The following PHACTR3 variants were observed in gnomAD, a reference collection of about 807,000 sequenced individuals.
PHACTR3 encodes protein phosphatase 1, regulatory subunit 123.
In PHACTR3, 16 loss-of-function variants were observed where a neutral mutation model predicts 66.8. That is an observed-to-expected ratio of 0.24 (90% CI 0.16 to 0.36). PHACTR3 has a LOEUF of 0.36. Ranked by LOEUF, PHACTR3 falls within the 10% of genes least tolerant of loss-of-function variation. The pLI, the probability that PHACTR3 is intolerant of heterozygous loss-of-function variation, is 1.00. For synonymous variants in PHACTR3, 323 were observed against 292.1 expected (o/e 1.11, Z -1.08); for missense variants, 647 against 719.9 (o/e 0.90, Z 1.16).
At chr20:59,760,541 C>T (rs556023813) in intron 4 of PHACTR3, among the ~76,000 whole-genome samples, 85 of 152,238 alleles carry the variant, frequency 5.6e-4, no homozygotes, top group African/African-American at 1.8e-3. Context: ...CCTTTTGCTT[C>T]GTTCTCATTC....
chr20:59,822,880 T>C (rs965269568), intron 8 of PHACTR3, among the ~76,000 whole-genome samples: 1 of 152,066 alleles, frequency 6.6e-6, no homozygotes, highest in African/African-American at 2.4e-5. Flanking sequence ...TCTGGGACCC[T>C]GGGAAGCCAC....
chr20:59,705,867 C>G (rs2037682411), intron 1 of PHACTR3, among the ~76,000 whole-genome samples: 1 of 152,188 alleles, frequency 6.6e-6, no homozygotes, highest in Non-Finnish European at 1.5e-5. Flanking sequence ...CCCCCTCATG[C>G]TTGGCCTTTG....
chr20:59,735,227 A>G (rs943143225), intron 1 of PHACTR3, among the ~76,000 whole-genome samples: 2 of 152,126 alleles, frequency 1.3e-5, no homozygotes, highest in African/African-American at 4.8e-5. Flanking sequence ...CTCCATAAAT[A>G]CATGAGCTTC....
At chr20:59,842,209 G>A (rs1199525979) in intron 11 of PHACTR3, among the ~76,000 whole-genome samples, 1 of 152,148 alleles carries the variant, frequency 6.6e-6, no homozygotes, top group Non-Finnish European at 1.5e-5. Context: ...ACACTTGACT[G>A]GCAAGATTTA....
At chr20:59,686,830 GTGA>G (rs753587560) in intron 1 of PHACTR3, among the ~76,000 whole-genome samples, 67 of 139,052 alleles carry the variant, frequency 4.8e-4, no homozygotes, top group African/African-American at 1.4e-3. Flanking sequence ...GATGGTGGTG[GTGA>G]TGATGATGGT....
In PHACTR3 at chr20:59,612,815, T is replaced by G. The variant is rs570667222; in HGVS notation, c.118+7683T>G. Among the ~76,000 whole-genome samples, 5 of 152,350 alleles carry G rather than the reference T, an allele frequency of 3.3e-5. No individual in the cohort carries two copies. In the South Asian group the frequency reaches 1.0e-3, roughly 32 times the overall value. ...AAAGAAAAGAGGTTTAATTGGCTCA[T>G]GCTTCTGAGGGCTGTGCGGGAAGCG... On this transcript the variant is annotated intron_variant, in intron 1 of 12. Transcript: ENST00000371015.
intron 1 of PHACTR3, among the ~76,000 whole-genome samples, chr20:59,580,703 T>G (rs1334410024): frequency 6.6e-6 from 1 of 152,200 alleles, no homozygotes; most frequent in Non-Finnish European, 1.5e-5. Context: ...AATGCCTTGT[T>G]TCCTGGCTCA....
At chr20:59,651,186 C>T (rs932706527) in intron 1 of PHACTR3, among the ~76,000 whole-genome samples, 1 of 152,150 alleles carries the variant, frequency 6.6e-6, no homozygotes, top group Non-Finnish European at 1.5e-5. Flanking sequence ...GATTGCACCA[C>T]TGCCCTTCAG....
intron 1 of PHACTR3, among the ~76,000 whole-genome samples, chr20:59,652,456 C>G (rs556754446): frequency 6.6e-6 from 1 of 152,218 alleles, no homozygotes; most frequent in East Asian, 1.9e-4. Flanking sequence ...GAGGCTGAGG[C>G]AGGAGGATCC....
chr20:59,785,811 G>A (rs1049192047), intron 7 of PHACTR3, among the ~76,000 whole-genome samples: 1 of 152,130 alleles, frequency 6.6e-6, no homozygotes, highest in African/African-American at 2.4e-5. Context: ...TGTGAGGTCC[G>A]ATCCTTAAAG....
At chr20:59,701,179 G>A (rs925887593) in intron 1 of PHACTR3, among the ~76,000 whole-genome samples, 12 of 152,254 alleles carry the variant, frequency 7.9e-5, no homozygotes, top group African/African-American at 1.9e-4. Context: ...AAATCATCAC[G>A]AGTTGTTTTC....
chr20:59,742,539 A>G lies in PHACTR3; in HGVS notation c.119-568A>G, dbSNP rs571903516. On this transcript the variant is annotated intron_variant, in intron 1 of 12. Coordinates refer to ENST00000371015, the MANE Select transcript of PHACTR3 (RefSeq NM_080672.5). ...CGGCCTGGCTCTGCGTTGGGTTCCA[A>G]GGCTGCCCCAGGCCTGGGCTCTACC... Among the ~76,000 whole-genome samples the G allele has an allele frequency of 4.6e-5, 7 of 152,310 alleles. No individual in the cohort carries two copies. In the East Asian group the frequency reaches 1.4e-3, roughly 29 times the overall value.
chr20:59,590,791 G>A (rs565282389), intron 1 of PHACTR3, among the ~76,000 whole-genome samples: 78 of 152,212 alleles, frequency 5.1e-4, no homozygotes, highest in African/African-American at 1.7e-3. Flanking sequence ...GGTGAGTGCC[G>A]GTTCCTCAGA....
intron 1 of PHACTR3, among the ~76,000 whole-genome samples, chr20:59,599,138 G>A (rs569231534): frequency 3.9e-5 from 6 of 152,342 alleles, no homozygotes; most frequent in East Asian, 3.9e-4. Context: ...CACAAAGCCC[G>A]GAGCCAGCTT....
intron 1 of PHACTR3, among the ~76,000 whole-genome samples, chr20:59,612,870 T>C (rs2033901348): frequency 6.6e-6 from 1 of 152,156 alleles, no homozygotes; most frequent in Admixed American, 6.5e-5. Context: ...TGGTCAGGCC[T>C]CAGGAGGCTT....
intron 1 of PHACTR3, among the ~76,000 whole-genome samples, chr20:59,688,464 G>C (rs1259723986): frequency 6.6e-6 from 1 of 152,146 alleles, no homozygotes. Flanking sequence ...AGTAGTACTG[G>C]GAAAGCCTAG....
intron 8 of PHACTR3, among the ~76,000 whole-genome samples, chr20:59,817,484 A>G (rs2041919420): frequency 6.6e-6 from 1 of 152,272 alleles, no homozygotes; most frequent in African/African-American, 2.4e-5. Context: ...ATAGGAGAGA[A>G]AGCTTTATCG....
At chr20:59,631,332 T>C (rs2034654410) in intron 1 of PHACTR3, among the ~76,000 whole-genome samples, 1 of 152,220 alleles carries the variant, frequency 6.6e-6, no homozygotes, top group Non-Finnish European at 1.5e-5. Context: ...GCATTTTTAA[T>C]GAGCTCCTGG....
At chr20:59,625,485 A>T (rs1429844065) in intron 1 of PHACTR3, among the ~76,000 whole-genome samples, 1 of 152,058 alleles carries the variant, frequency 6.6e-6, no homozygotes, top group East Asian at 1.9e-4. Flanking sequence ...ATATTTAGAA[A>T]TCTATTCATG....
Sources: allele counts gnomAD v4.1 joint callset (sites outside exome capture counted in the v4.1 genomes callset), GRCh38; gene constraint gnomAD v4.1.1; transcripts MANE v1.5; gene names NCBI Gene and HGNC (gene_info 2026-07-23, HGNC 2026-07-21).